The following FAT3 variants were observed in gnomAD, a reference collection of about 807,000 sequenced individuals.
FAT3 encodes protocadherin Fat 3.
A neutral mutation model predicts 310.2 loss-of-function variants in FAT3; 95 were observed. The observed-to-expected ratio is 0.31, with a 90% confidence interval of 0.26 to 0.36. The LOEUF (loss-of-function observed/expected upper bound fraction) is 0.36. Among genes scored for constraint, FAT3 ranks in the 10% least tolerant of loss-of-function variants. The probability of loss-of-function intolerance (pLI) is 1.00; values close to 1 mark genes in which losing one functional copy is unlikely to be tolerated. For synonymous variants in FAT3, 2,314 were observed against 2,192.9 expected, an observed-to-expected ratio of 1.06 and a Z score of -1.54; for missense variants, 5,408 against 5,715.6, an observed-to-expected ratio of 0.95 and a Z score of 1.74.
intron 3 of FAT3, among the ~76,000 whole-genome samples, chr11:92,692,659 C>G (rs184316096): frequency 3.9e-5 from 6 of 152,216 alleles, no homozygotes; most frequent in Non-Finnish European, 7.4e-5. Context: ...AGTAACAACT[C>G]AACTGTCTGA....
chr11:92,799,418 T>C lies in FAT3; in HGVS notation c.6405T>C (p.Asn2135=), dbSNP rs1434546624. The C allele has an allele frequency of 6.2e-7, 1 of 1,613,618 alleles. No homozygotes were observed. The highest frequency in any genetic ancestry group is 1.7e-5 in the Admixed American group (1 of 59,990). ...ATGGCCACTTTGAAATTAACCCTAATTCAGGGAATGTTATTTTAAAGGAAG... is the reference window on the plus strand; with the variant it reads ...ATGGCCACTTTGAAATTAACCCTAACTCAGGGAATGTTATTTTAAAGGAAG... ...DDYGHFEINP[N]SGNVILKEAF... Residue 2135 remains asparagine, a synonymous_variant, in exon 10 of 28, where the codon AAT becomes AAC. Transcript: ENST00000525166.
chr11:92,890,011 G>A (rs940500458), intron 27 of FAT3, 120 bp downstream of exon 27: 10 of 714,346 alleles, frequency 1.4e-5, no homozygotes, highest in Middle Eastern at 2.3e-4. Flanking sequence ...CAGGTGTCTC[G>A]TGCGCTCAGT....
intron 18 of FAT3, among the ~76,000 whole-genome samples, chr11:92,843,271 A>C (rs1207761230): frequency 6.6e-6 from 1 of 152,152 alleles, no homozygotes; most frequent in African/African-American, 2.4e-5. Context: ...AACCCAGCCC[A>C]TGGGAATCTG....
At chr11:92,390,969 AG>A (rs1430556257) in intron 2 of FAT3, among the ~76,000 whole-genome samples, 1 of 152,120 alleles carries the variant, frequency 6.6e-6, no homozygotes, top group East Asian at 1.9e-4. Context: ...GCTTGTGTGC[AG>A]GGGGAAGCCA....
chr11:92,719,995 T>G (rs1944816619), intron 4 of FAT3, among the ~76,000 whole-genome samples: 1 of 152,104 alleles, frequency 6.6e-6, no homozygotes, highest in South Asian at 2.1e-4. Context: ...GTAGCACGTT[T>G]AAAGGGATCA....
intron 3 of FAT3, among the ~76,000 whole-genome samples, chr11:92,562,240 A>G (rs990478651): frequency 4.6e-5 from 7 of 152,300 alleles, no homozygotes; most frequent in Non-Finnish European, 7.4e-5. Flanking sequence ...TTCATATACA[A>G]TACCTCCTAT....
chr11:92,285,534 A>G (rs1344198269), intron 1 of FAT3, among the ~76,000 whole-genome samples: 2 of 152,130 alleles, frequency 1.3e-5, no homozygotes, highest in Non-Finnish European at 2.9e-5. Context: ...CATTCTTACA[A>G]CACTATTGTA....
At chr11:92,646,464 A>G (rs1339002742) in intron 3 of FAT3, among the ~76,000 whole-genome samples, 2 of 152,204 alleles carry the variant, frequency 1.3e-5, no homozygotes. Flanking sequence ...ATGGGAGGAT[A>G]ATTAGACTCT....
At chr11:92,824,128 G>A (rs1948042277) in intron 13 of FAT3, among the ~76,000 whole-genome samples, 1 of 152,094 alleles carries the variant, frequency 6.6e-6, no homozygotes, top group African/African-American at 2.4e-5. Flanking sequence ...AGGCTGAGGT[G>A]GGTGGATCAC....
intron 3 of FAT3, among the ~76,000 whole-genome samples, chr11:92,652,794 CCA>C (rs1942434241): frequency 1.3e-5 from 2 of 152,208 alleles, no homozygotes; most frequent in Non-Finnish European, 2.9e-5. Context: ...GAAGGTGCTA[CCA>C]CCTCTTCCAG....
chr11:92,858,485 C>T (rs1949039748), intron 20 of FAT3, among the ~76,000 whole-genome samples: 1 of 152,018 alleles, frequency 6.6e-6, no homozygotes, highest in Admixed American at 6.6e-5. Context: ...TTCCACCTTT[C>T]CCCCCAGCAA....
At chr11:92,587,920 T>G (rs562382605) in intron 3 of FAT3, among the ~76,000 whole-genome samples, 2 of 152,142 alleles carry the variant, frequency 1.3e-5, no homozygotes, top group East Asian at 3.9e-4. Context: ...AAGGACAAAT[T>G]TGTTCATTGT....
chr11:92,649,482 C>G (rs1183198442), intron 3 of FAT3, among the ~76,000 whole-genome samples: 5 of 152,182 alleles, frequency 3.3e-5, no homozygotes, highest in Non-Finnish European at 7.3e-5. Flanking sequence ...TCTTCCTTCA[C>G]TCCCTTTTCC....
At chr11:92,292,053 A>G (rs1037940760) in intron 1 of FAT3, among the ~76,000 whole-genome samples, 1 of 152,080 alleles carries the variant, frequency 6.6e-6, no homozygotes, top group Admixed American at 6.5e-5. Flanking sequence ...ATGCTAGCAT[A>G]TGAAAGTTTG....
At chr11:92,779,622 T>C (rs1375725595) in intron 7 of FAT3, among the ~76,000 whole-genome samples, 1 of 152,214 alleles carries the variant, frequency 6.6e-6, no homozygotes, top group Non-Finnish European at 1.5e-5. Context: ...CTATTTGTGG[T>C]AGGCAACAGA....
chr11:92,551,414 T>TTGTGTGTGTGTG (rs71473973), intron 3 of FAT3, among the ~76,000 whole-genome samples: 8,444 of 128,882 alleles, frequency 0.066, 316 homozygotes, highest in Middle Eastern at 0.11. Context: ...TTTTTTTGTT[T>TTGTGTGTGTGTG]TGTGTGTGTG....
chr11:92,848,835 T>A (rs754543351), intron 19 of FAT3, among the ~76,000 whole-genome samples: 2 of 152,172 alleles, frequency 1.3e-5, no homozygotes, highest in Admixed American at 6.5e-5. Flanking sequence ...TAAAGAGGAA[T>A]CACTGGAGGT....
intron 22 of FAT3, among the ~76,000 whole-genome samples, chr11:92,868,429 G>T (rs1049664548): frequency 6.6e-6 from 1 of 152,122 alleles, no homozygotes; most frequent in Non-Finnish European, 1.5e-5. Context: ...GTAAATAAAG[G>T]GTTGTTATGG....
chr11:92,541,092 TACTC>T (rs974865444), intron 3 of FAT3, among the ~76,000 whole-genome samples: 11 of 152,196 alleles, frequency 7.2e-5, no homozygotes, highest in African/African-American at 1.2e-4. Context: ...CTCATTTACT[TACTC>T]ACTCATTCAT....
Sources: gnomAD v4.1 joint callset for allele counts (sites outside exome capture counted in the v4.1 genomes callset) on GRCh38, gnomAD v4.1.1 for gene constraint, MANE v1.5 for transcripts, NCBI Gene and HGNC (gene_info 2026-07-23, HGNC 2026-07-21) for gene names.